RAB28: variants seen among roughly 807,000 people sequenced by gnomAD.
The protein encoded by RAB28 is RAB28, member RAS oncogene family.
RAB28 carries 24 observed loss-of-function variants against 31.7 expected under a neutral mutation model. That is an observed-to-expected ratio of 0.76 (90% CI 0.55 to 1.06). The LOEUF (loss-of-function observed/expected upper bound fraction) is 1.06. Ranked by LOEUF, RAB28 falls within the 50% of genes least tolerant of loss-of-function variation. The probability of loss-of-function intolerance (pLI) is 0.00; values close to 1 mark genes in which losing one functional copy is unlikely to be tolerated. For missense variants in RAB28, 254 were observed against 258.5 expected (o/e 0.98, Z 0.12); for synonymous variants, 100 against 90.4 (o/e 1.11, Z -0.60).
chr4:13,369,727 A>AGTAGACGTACTTTAGATTTAGT (rs1381662821), intron 6 of RAB28: 1 of 785,526 alleles, frequency 1.3e-6, no homozygotes, highest in African/African-American at 1.8e-5. Context: ...TTAGTTCTAA[A>AGTAGACGTACTTTAGATTTAGT]TCAAGACGTA....
intron 4 of RAB28, among the ~76,000 whole-genome samples, chr4:13,399,250 T>C (rs1711610971): frequency 6.6e-6 from 1 of 152,218 alleles, no homozygotes; most frequent in Admixed American, 6.5e-5. Flanking sequence ...TATTGTTTCA[T>C]CCATGTCATC....
intron 4 of RAB28, among the ~76,000 whole-genome samples, chr4:13,382,045 G>A (rs1159026805): frequency 6.6e-6 from 1 of 152,172 alleles, no homozygotes; most frequent in African/African-American, 2.4e-5. Flanking sequence ...ATCTCTATAA[G>A]CTTGAATGTT....
intron 4 of RAB28, among the ~76,000 whole-genome samples, chr4:13,451,848 C>T (rs945862046): frequency 6.6e-6 from 1 of 151,886 alleles, no homozygotes; most frequent in Non-Finnish European, 1.5e-5. Flanking sequence ...AAGAGAGTGT[C>T]CTTTCCCCAC....
At chr4:13,466,441 AT>A (rs145387875) in intron 3 of RAB28, among the ~76,000 whole-genome samples, 2 of 151,868 alleles carry the variant, frequency 1.3e-5, no homozygotes, top group African/African-American at 4.8e-5. Flanking sequence ...TAACAGATAT[AT>A]TTTTTAAATG....
chr4:13,393,232 T>G (rs1729724153), intron 4 of RAB28, among the ~76,000 whole-genome samples: 1 of 152,172 alleles, frequency 6.6e-6, no homozygotes, highest in South Asian at 2.1e-4. Flanking sequence ...ACAGAGAAAG[T>G]GATGCTTCAG....
intron 6 of RAB28, among the ~76,000 whole-genome samples, chr4:13,375,433 G>A (rs376981425): frequency 9.9e-5 from 15 of 152,088 alleles, no homozygotes; most frequent in African/African-American, 3.4e-4. Flanking sequence ...TAACTAAGCA[G>A]AGACAAACAT....
chr4:13,417,426 A>G (rs1003738881), intron 4 of RAB28, among the ~76,000 whole-genome samples: 1 of 152,200 alleles, frequency 6.6e-6, no homozygotes, highest in Non-Finnish European at 1.5e-5. Context: ...GAAAATGGAC[A>G]GACTGCCTCC....
chr4:13,404,565 C>T (rs190073554), intron 4 of RAB28, among the ~76,000 whole-genome samples: 2 of 152,084 alleles, frequency 1.3e-5, no homozygotes, highest in Admixed American at 1.3e-4. Flanking sequence ...GTAAACTATA[C>T]TGCATAAAAA....
chr4:13,382,426 G>C (rs1553865736), intron 4 of RAB28, among the ~76,000 whole-genome samples: 1 of 145,668 alleles, frequency 6.9e-6, no homozygotes, highest in African/African-American at 2.5e-5. Flanking sequence ...GTCAATATAG[G>C]AAAAAAAAAA....
intron 4 of RAB28, among the ~76,000 whole-genome samples, chr4:13,459,028 C>CTA (rs1379681883): frequency 2.6e-4 from 40 of 152,204 alleles, no homozygotes; most frequent in Admixed American, 2.6e-3. Context: ...TGGGCACTCT[C>CTA]TAATCAACTG....
At chr4:13,456,430 G>A (rs143226951) in intron 4 of RAB28, among the ~76,000 whole-genome samples, 355 of 152,264 alleles carry the variant, frequency 2.3e-3, no homozygotes, top group Admixed American at 4.2e-3. Flanking sequence ...CTATGCAAAA[G>A]ACCACAAGCA....
intron 6 of RAB28, 79 bp from the exon 7 acceptor site, chr4:13,368,729 C>G: frequency 1.8e-6 from 2 of 1,116,980 alleles, no homozygotes; most frequent in Non-Finnish European, 2.5e-6. Flanking sequence ...TTTTTATTTT[C>G]TGAACTTTGC....
intron 3 of RAB28, among the ~76,000 whole-genome samples, chr4:13,468,127 G>C (rs1040673035): frequency 6.6e-6 from 1 of 151,930 alleles, no homozygotes. Flanking sequence ...AAAACTGACA[G>C]AACTGCAAGG....
chr4:13,373,307 C>A (rs990941718), intron 6 of RAB28, among the ~76,000 whole-genome samples: 13 of 152,100 alleles, frequency 8.5e-5, no homozygotes, highest in Non-Finnish European at 1.8e-4. Context: ...GAAACTAGAA[C>A]ACTTGTTAAC....
At chr4:13,482,487 A>C (rs1009299613) in intron 1 of RAB28, among the ~76,000 whole-genome samples, 1 of 152,184 alleles carries the variant, frequency 6.6e-6, no homozygotes. Flanking sequence ...TATGAATTGA[A>C]TACAGTAAAA....
intron 2 of RAB28, among the ~76,000 whole-genome samples, chr4:13,475,314 C>A (rs1486797443): frequency 1.3e-5 from 2 of 151,472 alleles, no homozygotes; most frequent in African/African-American, 4.8e-5. Flanking sequence ...TTTAGTTGAA[C>A]ATTTTAAACT....
intron 4 of RAB28, among the ~76,000 whole-genome samples, chr4:13,441,105 T>C (rs1384359740): frequency 2.0e-5 from 3 of 152,308 alleles, no homozygotes; most frequent in South Asian, 4.1e-4. Context: ...CTTTCTTTTG[T>C]AGACTTAAAG....
intron 4 of RAB28, among the ~76,000 whole-genome samples, chr4:13,430,833 C>T (rs1713768310): frequency 6.6e-6 from 1 of 152,124 alleles, no homozygotes; most frequent in South Asian, 2.1e-4. Flanking sequence ...GCCTGTGCCA[C>T]CCCTAAAGGA....
rs1577142446 is a variant in RAB28 at position 13,368,624 on chromosome 4, G to C, written c.600C>G (p.Asn200Lys). 1 of 1,612,122 alleles carries C rather than the reference G, an allele frequency of 6.2e-7. No homozygotes were observed. Among genetic ancestry groups the C allele is most frequent in the Non-Finnish European group, 8.5e-7 (1 of 1,178,900 alleles). Reference protein sequence around the residue: ...SQRVVKADIVNYNQEPMSRTV... With the variant: ...SQRVVKADIVKYNQEPMSRTV... ...TCCTTGACATAGGTTCCTGGTTGTA[G>C]TTTACAATATCTGCCTTCACCACCC... is the stretch of plus-strand genomic sequence containing the variant. Residue 200 changes from asparagine (N) to lysine (K), a missense_variant, in exon 7 of 7, where the codon AAC becomes AAG. Transcript: ENST00000330852.
Sources: gnomAD v4.1 joint callset for allele counts (sites outside exome capture counted in the v4.1 genomes callset) on GRCh38, gnomAD v4.1.1 for gene constraint, MANE v1.5 for transcripts, NCBI Gene and HGNC (gene_info 2026-07-23, HGNC 2026-07-21) for gene names.